CELF2: variants seen among roughly 807,000 people sequenced by gnomAD.
CELF2 encodes the protein CUGBP Elav-like family member 2.
CELF2 carries 8 observed loss-of-function variants against 62.6 expected under a neutral mutation model. That is an observed-to-expected ratio of 0.13 (90% CI 0.07 to 0.23). The LOEUF (loss-of-function observed/expected upper bound fraction) is 0.23. CELF2 is among the 10% of genes least tolerant of loss of function. CELF2 has a pLI of 1.00. For missense variants in CELF2, 333 were observed against 671.0 expected (o/e 0.50, Z 5.56); for synonymous variants, 258 against 250.0 (o/e 1.03, Z -0.30).
At chr10:10,932,209 A>G (rs2066144359) in intron 2 of CELF2, among the ~76,000 whole-genome samples, 1 of 152,164 alleles carries the variant, frequency 6.6e-6, no homozygotes, top group Non-Finnish European at 1.5e-5. Context: ...TTCTACTAAA[A>G]AAATCCAACT....
intron 2 of CELF2, among the ~76,000 whole-genome samples, chr10:11,215,903 C>G (rs2063240591): frequency 1.3e-5 from 2 of 152,142 alleles, no homozygotes; most frequent in South Asian, 4.1e-4. Context: ...GCCACTGAAG[C>G]TGAACTCACC....
At chr10:10,865,989 G>A (rs910410034) in intron 1 of CELF2, among the ~76,000 whole-genome samples, 2 of 152,082 alleles carry the variant, frequency 1.3e-5, no homozygotes. Context: ...TGAAGTAACA[G>A]CAGAAGGGAG....
At chr10:11,139,724 C>G (rs2060999183) in intron 1 of CELF2, among the ~76,000 whole-genome samples, 1 of 152,140 alleles carries the variant, frequency 6.6e-6, no homozygotes, top group Non-Finnish European at 1.5e-5. Context: ...CTTACCTACC[C>G]CCTGCTATCT....
At chr10:10,674,957 A>T in the CELF2 span, among the ~76,000 whole-genome samples, 283 of 152,330 alleles carry the variant, frequency 1.9e-3, no homozygotes, top group Middle Eastern at 6.8e-3. Flanking sequence ...AGAGGTATAT[A>T]CACACAAACA....
At position 11,297,490 on chromosome 10, in the gene CELF2, C is replaced by T. The variant is rs374034269; in HGVS notation, c.976+8938C>T. Among the ~76,000 whole-genome samples, 10 of 151,980 alleles carry T rather than the reference C, an allele frequency of 6.6e-5. No individual in the cohort carries two copies. In the East Asian group the frequency reaches 1.5e-3, roughly 24 times the overall value. On this transcript the variant is annotated intron_variant, in intron 9 of 12. Transcript: ENST00000633077. This position sits in a 1 kb window ranked among gnomAD's most constrained non-coding sequence, Gnocchi z 4.4. ...TGGAAAGGGAGCTTTCTGGGTAGCA[C>T]AGTGTCAGGGGAGCCAAGCAGGATG... is the stretch of plus-strand genomic sequence containing the variant.
chr10:11,152,973 G>C (rs1438994952), intron 1 of CELF2, among the ~76,000 whole-genome samples: 1 of 152,186 alleles, frequency 6.6e-6, no homozygotes, highest in Admixed American at 6.5e-5. Flanking sequence ...ATCTTCCACG[G>C]TCAGACTTAG....
chr10:10,683,869 G>A, the CELF2 span, among the ~76,000 whole-genome samples: 2 of 152,124 alleles, frequency 1.3e-5, no homozygotes, highest in South Asian at 2.1e-4. Context: ...GTCAACAGGA[G>A]GACCAAAGGC....
At chr10:11,004,822 A>G (rs1160500127), upstream of CELF2, among the ~76,000 whole-genome samples, 1 of 152,166 alleles carries the variant, frequency 6.6e-6, no homozygotes, top group African/African-American at 2.4e-5. The surrounding 1 kb of genome is among the most constrained non-coding windows in gnomAD (Gnocchi z 5.0). Flanking sequence ...AGGACAAGAC[A>G]AGAGGAGCAG....
At chr10:11,067,884 A>G (rs907018633) in intron 1 of CELF2, among the ~76,000 whole-genome samples, 1 of 152,226 alleles carries the variant, frequency 6.6e-6, no homozygotes, top group African/African-American at 2.4e-5. Context: ...TCAGTTGGCA[A>G]GATTTTGAGA....
intron 9 of CELF2, among the ~76,000 whole-genome samples, chr10:11,289,139 A>G (rs1239990834): frequency 6.6e-6 from 1 of 152,162 alleles, no homozygotes. Flanking sequence ...CAAGCCAGAT[A>G]GAATGTGGTT....
chr10:11,064,481 T>C (rs549231555), intron 1 of CELF2, among the ~76,000 whole-genome samples: 1 of 152,336 alleles, frequency 6.6e-6, no homozygotes, highest in Non-Finnish European at 1.5e-5. Context: ...ACAGCATTTC[T>C]TGTTAAGGGA....
the CELF2 span, among the ~76,000 whole-genome samples, chr10:10,589,216 T>A: frequency 6.6e-6 from 1 of 152,202 alleles, no homozygotes; most frequent in Admixed American, 6.5e-5. Context: ...TGTTGAGTTG[T>A]TAGCTAAAGA....
rs190516703 is a variant in CELF2 at position 10,926,007 on chromosome 10, A to G, written c.89+6008A>G. Among the ~76,000 whole-genome samples the G allele has an allele frequency of 5.7e-3, 872 of 152,266 alleles. 5 individuals are homozygous for G. Among genetic ancestry groups the G allele is most frequent in the Non-Finnish European group, 7.3e-3 (494 of 68,030 alleles). ...AGCCTGTGACTGAGTTCTTTCCTGC[A>G]CAAACCTTTCCCTTACAATGTCCTT... On this transcript the variant is annotated intron_variant, in intron 2 of 13. Transcript: ENST00000636488.
the CELF2 span, among the ~76,000 whole-genome samples, chr10:10,592,909 G>A: frequency 6.6e-6 from 1 of 152,130 alleles, no homozygotes; most frequent in Non-Finnish European, 1.5e-5. Context: ...TGTTTAGAAA[G>A]GATACCTACC....
chr10:10,569,239 G>C, the CELF2 span, among the ~76,000 whole-genome samples: 2 of 152,144 alleles, frequency 1.3e-5, no homozygotes, highest in African/African-American at 4.8e-5. Context: ...TGGACTCACA[G>C]TTCCATCTGG....
At chr10:11,286,896 A>G (rs971462278) in intron 8 of CELF2, among the ~76,000 whole-genome samples, 2 of 152,196 alleles carry the variant, frequency 1.3e-5, no homozygotes, top group Non-Finnish European at 2.9e-5. Flanking sequence ...GTCTCCTGGA[A>G]GAAGACAGAG....
At chr10:10,996,412 C>T (rs907599042) in intron 2 of CELF2, among the ~76,000 whole-genome samples, 2 of 152,190 alleles carry the variant, frequency 1.3e-5, no homozygotes, top group African/African-American at 4.8e-5. Flanking sequence ...GGATTTTATT[C>T]GACCTCTAGG....
At chr10:11,101,514 ACATGAGAGGGTTT>A (rs2051631636) in intron 1 of CELF2, among the ~76,000 whole-genome samples, 3 of 152,226 alleles carry the variant, frequency 2.0e-5, no homozygotes, top group African/African-American at 7.2e-5. Context: ...AGAACCCAAG[ACATGAGAGGGTTT>A]CAAGGTCAGA....
At position 11,178,286 on chromosome 10, in the gene CELF2, A is replaced by G. The variant is rs1441248573; in HGVS notation, c.271+12604A>G. Among the ~76,000 whole-genome samples, 1 of 152,206 alleles carries G rather than the reference A, an allele frequency of 6.6e-6. No individual in the cohort carries two copies. Among genetic ancestry groups the G allele is most frequent in the Non-Finnish European group, 1.5e-5 (1 of 68,026 alleles). On this transcript the variant is annotated intron_variant, in intron 2 of 12. Coordinates refer to ENST00000633077, the MANE Select transcript of CELF2 (RefSeq NM_001326342.2). This position sits in a 1 kb window ranked among gnomAD's most constrained non-coding sequence, Gnocchi z 4.3. Reference sequence around the variant, plus strand: ...TGGACGGTGACCACCAGTCCGTTTTACACAGGCCACCATACAGCTGCCAGG... The same window carrying G: ...TGGACGGTGACCACCAGTCCGTTTTGCACAGGCCACCATACAGCTGCCAGG...
Sources: gnomAD v4.1 joint callset for allele counts (sites outside exome capture counted in the v4.1 genomes callset) on GRCh38, gnomAD v4.1.1 for gene constraint, Gnocchi (gnomAD v3.1) non-coding constraint, MANE v1.5 for transcripts, NCBI Gene and HGNC (gene_info 2026-07-23, HGNC 2026-07-21) for gene names.